Variants in ST18 observed in about 807,000 individuals in gnomAD.
The protein encoded by ST18 is suppression of tumorigenicity 18 protein.
A neutral mutation model predicts 110.0 loss-of-function variants in ST18; 50 were observed. The observed-to-expected ratio is 0.45, with a 90% CI of 0.36 to 0.58. ST18 has a LOEUF of 0.58. Ranked by LOEUF, ST18 falls within the 20% of genes least tolerant of loss-of-function variation. The pLI, the probability that ST18 is intolerant of heterozygous loss-of-function variation, is 0.00. For synonymous variants in ST18, 461 were observed against 452.4 expected, an observed-to-expected ratio of 1.02 and a Z score of -0.24; for missense variants, 1,306 against 1,280.1, an observed-to-expected ratio of 1.02 and a Z score of -0.31.
intron 2 of ST18, among the ~76,000 whole-genome samples, chr8:52,391,825 A>T (rs1590640574): frequency 6.6e-6 from 1 of 152,266 alleles, no homozygotes; most frequent in Non-Finnish European, 1.5e-5. Context: ...GACCCAAGGA[A>T]CCCTGGGGAA....
At chr8:52,183,278 A>T (rs1461508000) in intron 8 of ST18, among the ~76,000 whole-genome samples, 1 of 152,202 alleles carries the variant, frequency 6.6e-6, no homozygotes, top group African/African-American at 2.4e-5. Flanking sequence ...CCTGAAGAAG[A>T]TACTGAGTTG....
rs149806217 is a variant in ST18, at chr8:52,202,811, C to T, written c.86+9268G>A. Among the ~76,000 whole-genome samples, 626 of 152,080 alleles carry T rather than the reference C, an allele frequency of 4.1e-3. 2 individuals carry two copies. Among genetic ancestry groups the T allele is most frequent in the Middle Eastern group, 0.02 (6 of 294 alleles). On this transcript the variant is annotated intron_variant, in intron 8 of 25. Transcript: ENST00000689386. Reference sequence around the variant, plus strand: ...AGTAGCATTAGGTGTAGGATTTTCTCAGAAAATAGGATGGCGATGATATTG... The same window carrying T: ...AGTAGCATTAGGTGTAGGATTTTCTTAGAAAATAGGATGGCGATGATATTG...
chr8:52,210,789 A>G (rs2081925262), intron 8 of ST18, among the ~76,000 whole-genome samples: 1 of 152,236 alleles, frequency 6.6e-6, no homozygotes, highest in Non-Finnish European at 1.5e-5. Context: ...GAGTATCTGC[A>G]TGAATTCTAA....
At chr8:52,353,522 G>A (rs1237143919) in intron 2 of ST18, among the ~76,000 whole-genome samples, 1 of 152,114 alleles carries the variant, frequency 6.6e-6, no homozygotes, top group African/African-American at 2.4e-5. Flanking sequence ...CACTCTCACA[G>A]ACACACATGA....
intron 2 of ST18, among the ~76,000 whole-genome samples, chr8:52,318,264 G>A (rs545505768): frequency 2.0e-5 from 3 of 152,158 alleles, no homozygotes; most frequent in South Asian, 2.1e-4. Context: ...CTTCTCAAAC[G>A]AAGACATACA....
At chr8:52,139,352 T>C (rs2053878234) in intron 17 of ST18, among the ~76,000 whole-genome samples, 1 of 151,608 alleles carries the variant, frequency 6.6e-6, no homozygotes, top group South Asian at 2.1e-4. Context: ...ATACACACAA[T>C]TTTTTATTTT....
intron 8 of ST18, among the ~76,000 whole-genome samples, chr8:52,189,440 A>G (rs1300510447): frequency 1.3e-5 from 2 of 152,232 alleles, no homozygotes; most frequent in East Asian, 3.8e-4. Flanking sequence ...CAAAAGATTC[A>G]GAGAAGTGGA....
At chr8:52,254,649 C>T (rs2094468052) in intron 2 of ST18, among the ~76,000 whole-genome samples, 1 of 152,120 alleles carries the variant, frequency 6.6e-6, no homozygotes, top group Admixed American at 6.5e-5. Flanking sequence ...AGAGGAGATT[C>T]AATGTCCCTG....
intron 25 of ST18, 95 bp from the exon 26 acceptor site, chr8:52,113,433 C>G: frequency 6.7e-7 from 1 of 1,492,446 alleles, no homozygotes; most frequent in Non-Finnish European, 9.1e-7. Context: ...ATCCGGGAGT[C>G]GGGAGGGAAG....
chr8:52,133,150 C>A lies in ST18; in HGVS notation c.2364-13G>T. The A allele has an allele frequency of 6.2e-7, 1 of 1,614,192 alleles. No individual in the cohort carries two copies. Among genetic ancestry groups the A allele is most frequent in the Non-Finnish European group, 8.5e-7 (1 of 1,180,036 alleles). On this transcript the variant is annotated splice_polypyrimidine_tract_variant and intron_variant, in intron 20 of 25. Coordinates refer to ENST00000689386, the MANE Select transcript of ST18 (RefSeq NM_001352837.2). ...GCATCCGGACAAGCTGAAATAGGGA[C>A]CCGACAAAGAACAAAGCAAAATTAT...
At chr8:52,115,174 G>T (rs1013180439) in intron 25 of ST18, among the ~76,000 whole-genome samples, 9 of 151,984 alleles carry the variant, frequency 5.9e-5, no homozygotes, top group Admixed American at 5.9e-4. Flanking sequence ...TAAAATGGAG[G>T]GGCTTAATGT....
intron 2 of ST18, among the ~76,000 whole-genome samples, chr8:52,353,001 C>A (rs1821084909): frequency 6.6e-6 from 1 of 152,176 alleles, no homozygotes; most frequent in South Asian, 2.1e-4. Context: ...AGGATTCATC[C>A]AGTCCAGTCT....
chr8:52,318,866 T>C (rs77014993), intron 2 of ST18, among the ~76,000 whole-genome samples: 184 of 151,110 alleles, frequency 1.2e-3, no homozygotes, highest in African/African-American at 4.4e-3. Context: ...GGGAGCTAAA[T>C]TATGAGAACA....
intron 15 of ST18, among the ~76,000 whole-genome samples, chr8:52,157,387 G>C (rs1164781770): frequency 6.6e-6 from 1 of 151,882 alleles, no homozygotes; most frequent in Non-Finnish European, 1.5e-5. Flanking sequence ...TTATAATATT[G>C]GTTCCTGTAT....
Position 52,142,977 on chromosome 8 carries a change from G to C in ST18, c.2121C>G (p.Ser707Arg). Residue 707 changes from serine (S) to arginine (R), a missense_variant, in exon 17 of 26, where the codon AGC becomes AGG. Ser to Arg is a moderately radical substitution (Grantham distance 110). Transcript: ENST00000689386. ...KKFPGEASIP[S>R]PKPKLHARDL... ...CTCTTGCATGAAGCTTGGGTTTAGG[G>C]CTTGGTATAGAGGCCTCTCCAGGAA... 1 of 1,614,088 alleles carries C rather than the reference G, an allele frequency of 6.2e-7. No homozygotes were observed. The highest frequency in any genetic ancestry group is 8.5e-7 in the Non-Finnish European group (1 of 1,179,980).
At chr8:52,329,659 G>A (rs774858441) in intron 2 of ST18, among the ~76,000 whole-genome samples, 1 of 152,104 alleles carries the variant, frequency 6.6e-6, no homozygotes, top group Non-Finnish European at 1.5e-5. Flanking sequence ...GGAGGCTGAG[G>A]CAGAAGAATT....
intron 2 of ST18, among the ~76,000 whole-genome samples, chr8:52,307,310 G>A (rs760994190): frequency 3.3e-5 from 5 of 152,118 alleles, no homozygotes; most frequent in Non-Finnish European, 5.9e-5. Flanking sequence ...GTGGTAATGC[G>A]AATAAGATCC....
At chr8:52,143,409 C>G (rs1446727059) in intron 16 of ST18, among the ~76,000 whole-genome samples, 1 of 151,890 alleles carries the variant, frequency 6.6e-6, no homozygotes, top group East Asian at 1.9e-4. Context: ...TGCGTGAACC[C>G]GGGAAGCGGG....
At chr8:52,139,622 C>G (rs1293471314) in intron 17 of ST18, among the ~76,000 whole-genome samples, 8 of 152,252 alleles carry the variant, frequency 5.3e-5, no homozygotes, top group African/African-American at 1.9e-4. Flanking sequence ...TCCCAAAGTG[C>G]TGGGATTACA....
Sources: allele counts gnomAD v4.1 joint callset (sites outside exome capture counted in the v4.1 genomes callset), GRCh38; gene constraint gnomAD v4.1.1; transcripts MANE v1.5; gene names NCBI Gene and HGNC (gene_info 2026-07-23, HGNC 2026-07-21).